The following COL4A3 variants were observed in gnomAD, a reference collection of about 807,000 sequenced individuals.
COL4A3 encodes the protein collagen alpha-3(IV) chain.
COL4A3 carries 135 observed loss-of-function variants against 217.4 expected under a neutral mutation model. The ratio of observed to expected loss-of-function variants is 0.62; its 90% CI spans 0.54 to 0.72. The LOEUF (loss-of-function observed/expected upper bound fraction) is 0.72, where lower values mean the gene tolerates loss of function less well. Ranked by LOEUF, COL4A3 falls within the 30% of genes least tolerant of loss-of-function variation. The probability of loss-of-function intolerance (pLI) is 0.00; values close to 1 mark genes in which losing one functional copy is unlikely to be tolerated. For synonymous variants in COL4A3, 690 were observed against 736.3 expected (o/e 0.94, Z 1.02); for missense variants, 1,868 against 2,119.9 (o/e 0.88, Z 2.33).
intron 41 of COL4A3, 132 bp from the exon 42 acceptor site, chr2:227,297,542 T>C: frequency 1.2e-6 from 1 of 800,374 alleles, no homozygotes; most frequent in Non-Finnish European, 2.0e-6. Flanking sequence ...TATTATAAAA[T>C]ATATATTTTA....
At chr2:227,301,984 A>C (rs1177133855) in intron 43 of COL4A3, 1 of 152,246 alleles carries the variant, frequency 6.6e-6, no homozygotes, top group Non-Finnish European at 1.5e-5. Flanking sequence ...CCTTCAAAGC[A>C]CATTATTCTC....
At chr2:227,231,996 CTT>C (rs2068434371) in intron 1 of COL4A3, among the ~76,000 whole-genome samples, 1 of 152,106 alleles carries the variant, frequency 6.6e-6, no homozygotes, top group South Asian at 2.1e-4. Context: ...TTCTTCTACT[CTT>C]TATGTCCCTG....
At chr2:227,215,455 TTTTG>T (rs563184764) in intron 1 of COL4A3, among the ~76,000 whole-genome samples, 7 of 152,186 alleles carry the variant, frequency 4.6e-5, no homozygotes, top group South Asian at 2.1e-4. Context: ...TGTTTTTGTT[TTTTG>T]TTTGTTTGTT....
At chr2:227,189,076 C>A (rs548160556) in intron 1 of COL4A3, among the ~76,000 whole-genome samples, 2 of 152,132 alleles carry the variant, frequency 1.3e-5, no homozygotes, top group South Asian at 4.2e-4. Context: ...CCCATGTTGG[C>A]TTGGGATTCT....
At position 227,223,020 on chromosome 2, in the gene COL4A3, T is replaced by C. The variant is rs370125860; in HGVS notation, c.88-14948T>C. On this transcript the variant is annotated intron_variant, in intron 1 of 51. Transcript: ENST00000396578. ...TCATTAATCTCAACTATCCTATATT[T>C]TTACAAATAACTTCTGTTTTATTTC... 7.9e-5 allele frequency among the ~76,000 whole-genome samples: 12 copies of C among 152,376 alleles called. No individual in the cohort carries two copies. In the East Asian group the frequency reaches 2.1e-3, roughly 27 times the overall value.
Position 227,251,348 on chromosome 2 carries a change from G to A in COL4A3, c.622G>A (p.Ala208Thr). 6.2e-7 allele frequency: 1 copy of A among 1,613,242 alleles called. No homozygotes were observed. Among genetic ancestry groups the A allele is most frequent in the Non-Finnish European group, 8.5e-7 (1 of 1,179,966 alleles). Residue 208 changes from alanine (A) to threonine (T), a missense_variant, in exon 11 of 52, where the codon GCC (alanine) becomes ACC (threonine). Transcript: ENST00000396578. ...TGGATTTTTCTAGGGCTTTCCAGGAGCCATGGGACCTAGAGGACCTAAGGT... is the reference window on the plus strand; with the variant it reads ...TGGATTTTTCTAGGGCTTTCCAGGAACCATGGGACCTAGAGGACCTAAGGT... ...GPPGFFGFPGAMGPRGPKGHM... is the reference protein window; with the variant it reads ...GPPGFFGFPGTMGPRGPKGHM...
At chr2:227,277,615 T>A in intron 28 of COL4A3, 62 bp downstream of exon 28, 1 of 954,348 alleles carries the variant, frequency 1.0e-6, no homozygotes. Flanking sequence ...TGTTCATATG[T>A]ATAAATAAAA....
At position 227,240,172 on chromosome 2, in the gene COL4A3, T is replaced by A. The variant is rs762912391; in HGVS notation, c.174T>A (p.Gly58=). ...AGAAGGGCTTTCCTGGACCCCCCGG[T>A]TCTCCTGGCCAGAAAGGATTCACAG... ...KGEKGFPGPP[G]SPGQKGFTGP... is the part of the protein sequence containing the mutation. The change falls in exon 3 of 52, where the codon GGT becomes GGA. Residue 58 remains glycine (G), a synonymous_variant. Transcript: ENST00000396578. 1.2e-6 allele frequency: 2 copies of A among 1,611,506 alleles called. No individual in the cohort carries two copies. The highest frequency in any genetic ancestry group is 4.5e-5 in the East Asian group (2 of 44,816).
intron 1 of COL4A3, among the ~76,000 whole-genome samples, chr2:227,228,857 G>A (rs1370855465): frequency 6.6e-6 from 1 of 152,176 alleles, no homozygotes; most frequent in Non-Finnish European, 1.5e-5. Flanking sequence ...TTTAGGGAAA[G>A]TGATAAACCC....
rs1559819484 is a variant in COL4A3, at chr2:227,202,831, CT to C, written c.88-35136del. 1.8e-3 allele frequency among the ~76,000 whole-genome samples: 92 copies of C among 50,486 alleles called. 7 individuals carry two copies. Among genetic ancestry groups the C allele is most frequent in the Admixed American group, 4.1e-3 (18 of 4,414 alleles). 33.1% of individuals were successfully genotyped at this position (50,486 alleles called of 152,430 possible). A position where few individuals can be genotyped will look rare whatever the true frequency, so the allele number is the denominator to read the frequency against. On this transcript the variant is annotated intron_variant, in intron 1 of 51. Coordinates refer to ENST00000396578, the MANE Select transcript of COL4A3 (RefSeq NM_000091.5). ...TGTGTATATATACATATATGTGTAT[CT>C]ATGTGTATATATACATATGTGTATA...
At chr2:227,245,771 C>G in intron 5 of COL4A3, 183 bp from the exon 6 acceptor site, 2 of 667,356 alleles carry the variant, frequency 3.0e-6, no homozygotes, top group South Asian at 1.6e-5. Flanking sequence ...GTCTTCATAT[C>G]AGTCAGCCTG....
intron 1 of COL4A3, among the ~76,000 whole-genome samples, chr2:227,207,603 G>GT (rs977343423): frequency 2.6e-5 from 4 of 152,172 alleles, no homozygotes. Flanking sequence ...GGGCAGGGGG[G>GT]TTTGCAGGGG....
Position 227,248,523 on chromosome 2 carries a change from A to G in COL4A3, c.546+3A>G, listed in dbSNP as rs1230170986. 1 of 1,608,170 alleles carries G rather than the reference A, an allele frequency of 6.2e-7. No individual in the cohort carries two copies. Among genetic ancestry groups the G allele is most frequent in the South Asian group, 1.1e-5 (1 of 90,950 alleles). ...TGCCAGGGGCTCCAGGACCCCAGGT[A>G]CAGCACTTCAGAGAAGGTCCCTATT... On this transcript the variant is annotated splice_donor_region_variant and intron_variant, in intron 9 of 51. Transcript: ENST00000396578.
At chr2:227,309,381 G>T in intron 50 of COL4A3, 63 bp downstream of exon 50, 1 of 1,287,874 alleles carries the variant, frequency 7.8e-7, no homozygotes, top group South Asian at 1.2e-5. Context: ...ACATTGTGCT[G>T]GGTAAAATGT....
intron 1 of COL4A3, among the ~76,000 whole-genome samples, chr2:227,176,586 A>G (rs1051356105): frequency 6.6e-5 from 10 of 152,200 alleles, no homozygotes; most frequent in Admixed American, 2.6e-4. Flanking sequence ...TGTCTCTCCA[A>G]ACTGGTTTCT....
chr2:227,264,045 G>T, intron 21 of COL4A3, 101 bp downstream of exon 21: 2 of 1,414,114 alleles, frequency 1.4e-6, no homozygotes, highest in Non-Finnish European at 2.0e-6. Context: ...CCATCAGTCT[G>T]TGTGGTTTTT....
chr2:227,173,102 CTT>C (rs1313873505), intron 1 of COL4A3, among the ~76,000 whole-genome samples: 1 of 152,144 alleles, frequency 6.6e-6, no homozygotes, highest in African/African-American at 2.4e-5. Context: ...CCTTAAAACT[CTT>C]TAACTGAAAA....
intron 41 of COL4A3, among the ~76,000 whole-genome samples, chr2:227,296,946 A>T (rs1386461536): frequency 6.6e-6 from 1 of 152,178 alleles, no homozygotes; most frequent in Non-Finnish European, 1.5e-5. Flanking sequence ...GAGCAGAGGG[A>T]GACATTATTT....
chr2:227,220,413 C>A (rs1235247329), intron 1 of COL4A3, among the ~76,000 whole-genome samples: 1 of 151,940 alleles, frequency 6.6e-6, no homozygotes, highest in Non-Finnish European at 1.5e-5. Context: ...AAACTACTGA[C>A]CTCAAGTGAT....
Sources: allele counts gnomAD v4.1 joint callset (sites outside exome capture counted in the v4.1 genomes callset), GRCh38; gene constraint gnomAD v4.1.1; transcripts MANE v1.5; gene names NCBI Gene and HGNC (gene_info 2026-07-23, HGNC 2026-07-21).